Variants in C12orf42 observed in about 807,000 individuals in gnomAD.
C12orf42 encodes chromosome 12 open reading frame 42.
Under a neutral mutation model 21.6 loss-of-function variants are expected in C12orf42, and 25 were observed. That is an observed-to-expected ratio of 1.16 (90% CI 0.84 to 1.62). C12orf42 has a LOEUF of 1.62. C12orf42 is among the 40% of genes most tolerant of loss of function. The probability of loss-of-function intolerance (pLI) is 0.00; values close to 1 mark genes in which losing one functional copy is unlikely to be tolerated. For synonymous variants in C12orf42, 174 were observed against 175.0 expected, an observed-to-expected ratio of 0.99 and a Z score of 0.05; for missense variants, 483 against 459.3, an observed-to-expected ratio of 1.05 and a Z score of -0.47.
At position 103,438,949 on chromosome 12, in the gene C12orf42, A is replaced by C. The variant is rs1288818089; in HGVS notation, c.79-37274T>G. Reference sequence around the variant, plus strand: ...AACCAAAAAAGAGCCCGCATCGCCAAGGCAATCATAAGGCAAAAGAACAAA... The same window carrying C: ...AACCAAAAAAGAGCCCGCATCGCCACGGCAATCATAAGGCAAAAGAACAAA... On this transcript the variant is annotated intron_variant, in intron 2 of 5. Coordinates refer to ENST00000548883, the MANE Select transcript of C12orf42 (RefSeq NM_198521.5). Among the ~76,000 whole-genome samples the C allele has an allele frequency of 2.0e-5, 3 of 152,348 alleles. No homozygotes were observed. In the South Asian group the frequency reaches 6.2e-4, roughly 32 times the overall value.
intron 4 of C12orf42, among the ~76,000 whole-genome samples, chr12:103,343,926 A>T (rs1384009562): frequency 6.6e-6 from 1 of 152,226 alleles, no homozygotes; most frequent in Non-Finnish European, 1.5e-5. Context: ...TTCTAATGGT[A>T]CAAATTCTTT....
At chr12:103,097,469 A>G in the C12orf42 span, among the ~76,000 whole-genome samples, 1 of 152,228 alleles carries the variant, frequency 6.6e-6, no homozygotes, top group Non-Finnish European at 1.5e-5. Flanking sequence ...TGAAATCCAA[A>G]TCAGTAATCT....
rs1445788875 is a variant in C12orf42 at position 103,305,925 on chromosome 12, T to C, written c.631+49A>G. 1.9e-6 allele frequency: 3 copies of C among 1,546,590 alleles called. 1 individual carries two copies. In the South Asian group the frequency reaches 3.8e-5, roughly 20 times the overall value. On this transcript the variant is annotated intron_variant, in intron 5 of 5. Coordinates refer to ENST00000548883, the MANE Select transcript of C12orf42 (RefSeq NM_198521.5). Reference sequence around the variant, plus strand: ...GTTTATACTGAAGTTAAAAACAAAATGTGACCAGTTGAAACAAGAAGAGTC... The same window carrying C: ...GTTTATACTGAAGTTAAAAACAAAACGTGACCAGTTGAAACAAGAAGAGTC...
At chr12:103,453,840 T>C (rs892473416) in intron 2 of C12orf42, among the ~76,000 whole-genome samples, 3 of 152,176 alleles carry the variant, frequency 2.0e-5, no homozygotes, top group Non-Finnish European at 4.4e-5. Flanking sequence ...GGCTTATCTC[T>C]TAAACATATA....
At chr12:103,356,321 A>G (rs1329593471) in intron 4 of C12orf42, among the ~76,000 whole-genome samples, 1 of 152,112 alleles carries the variant, frequency 6.6e-6, no homozygotes, top group Non-Finnish European at 1.5e-5. Flanking sequence ...AAACATGCCC[A>G]CTAGAATGTC....
the C12orf42 span, among the ~76,000 whole-genome samples, chr12:103,196,197 T>G: frequency 6.6e-6 from 1 of 152,212 alleles, no homozygotes; most frequent in Non-Finnish European, 1.5e-5. Flanking sequence ...TATTCAAAAG[T>G]CATTCAAGAG....
At chr12:103,508,099 G>C in the C12orf42 span, among the ~76,000 whole-genome samples, 1 of 152,126 alleles carries the variant, frequency 6.6e-6, no homozygotes, top group African/African-American at 2.4e-5. Context: ...ATTATTGTAA[G>C]GGTGAATTAA....
chr12:103,521,609 G>A, the C12orf42 span, among the ~76,000 whole-genome samples: 1 of 152,200 alleles, frequency 6.6e-6, no homozygotes, highest in South Asian at 2.1e-4. Context: ...GGGTTGATAG[G>A]TGCAGCAAAC....
chr12:103,249,707 A>G (rs2034195098), intron 10 of C12orf42, among the ~76,000 whole-genome samples: 1 of 152,118 alleles, frequency 6.6e-6, no homozygotes, highest in African/African-American at 2.4e-5. Flanking sequence ...CATATTAAAT[A>G]AGAGAACAAA....
chr12:103,076,233 G>A, the C12orf42 span, among the ~76,000 whole-genome samples: 1 of 149,708 alleles, frequency 6.7e-6, no homozygotes. Context: ...AAAGTATAAT[G>A]ATAATAATAA....
At chr12:103,161,086 C>T in the C12orf42 span, among the ~76,000 whole-genome samples, 2 of 152,200 alleles carry the variant, frequency 1.3e-5, no homozygotes, top group African/African-American at 4.8e-5. Flanking sequence ...ATCTCAGACG[C>T]AAAACGTGTA....
the C12orf42 span, among the ~76,000 whole-genome samples, chr12:103,118,142 T>C: frequency 1.3e-5 from 2 of 152,234 alleles, no homozygotes; most frequent in Non-Finnish European, 1.5e-5. Context: ...GTTAGCACTT[T>C]CCTTGCCACT....
At chr12:103,281,730 A>T (rs1272955595) in intron 4 of C12orf42, among the ~76,000 whole-genome samples, 1 of 151,976 alleles carries the variant, frequency 6.6e-6, no homozygotes, top group Non-Finnish European at 1.5e-5. Context: ...GTCATAGCTC[A>T]CTGCAACTGC....
At chr12:103,538,642 C>G in the C12orf42 span, among the ~76,000 whole-genome samples, 1 of 152,250 alleles carries the variant, frequency 6.6e-6, no homozygotes. Flanking sequence ...GGTGATTCAA[C>G]TACTGAGATC....
intron 2 of C12orf42, among the ~76,000 whole-genome samples, chr12:103,405,829 G>T (rs1360370984): frequency 6.6e-6 from 1 of 152,142 alleles, no homozygotes; most frequent in Non-Finnish European, 1.5e-5. Flanking sequence ...TCTTTCTAAA[G>T]AAATGGTCTC....
At chr12:103,273,661 G>A (rs1451764147) in intron 5 of C12orf42, 2 of 309,808 alleles carry the variant, frequency 6.5e-6, no homozygotes, top group African/African-American at 2.2e-5. Flanking sequence ...GACCCAAGAG[G>A]TAAGAATAAG....
At chr12:103,068,835 G>A in the C12orf42 span, among the ~76,000 whole-genome samples, 2 of 148,002 alleles carry the variant, frequency 1.4e-5, no homozygotes, top group Non-Finnish European at 3.0e-5. Context: ...ATGGGACCTT[G>A]TGATCATGGG....
At chr12:103,068,774 C>T in the C12orf42 span, among the ~76,000 whole-genome samples, 1 of 150,880 alleles carries the variant, frequency 6.6e-6, no homozygotes, top group Non-Finnish European at 1.5e-5. Flanking sequence ...AATTCTTCAG[C>T]TCTGGGACTC....
intron 10 of C12orf42, among the ~76,000 whole-genome samples, chr12:103,256,103 TATATATATA>T: frequency 1.7e-5 from 1 of 57,186 alleles, no homozygotes; most frequent in Non-Finnish European, 3.0e-5. Context: ...TATATATATA[TATATATATA>T]CACACACACA....
Sources: gnomAD v4.1 joint callset for allele counts (sites outside exome capture counted in the v4.1 genomes callset) on GRCh38, gnomAD v4.1.1 for gene constraint, MANE v1.5 for transcripts, NCBI Gene and HGNC (gene_info 2026-07-23, HGNC 2026-07-21) for gene names.